The following MACROD2 variants were observed in gnomAD, a reference collection of about 807,000 sequenced individuals.
The protein encoded by MACROD2 is mono-ADP ribosylhydrolase 2, also known as ADP-ribose glycohydrolase MACROD2.
A neutral mutation model predicts 70.4 loss-of-function variants in MACROD2; 36 were observed. The observed-to-expected ratio is 0.51, with a 90% CI of 0.39 to 0.68. The LOEUF (loss-of-function observed/expected upper bound fraction) is 0.68, where lower values mean the gene tolerates loss of function less well. Ranked by LOEUF, MACROD2 falls within the 30% of genes least tolerant of loss-of-function variation. The pLI is 0.00. For synonymous variants in MACROD2, 172 were observed against 178.8 expected (o/e 0.96, Z 0.30); for missense variants, 496 against 538.4 (o/e 0.92, Z 0.78).
chr20:15,938,200 C>A (rs1471497214), intron 12 of MACROD2, among the ~76,000 whole-genome samples: 1 of 151,924 alleles, frequency 6.6e-6, no homozygotes, highest in Non-Finnish European at 1.5e-5. Context: ...AGTGCTTTTT[C>A]TTCTCTCTCT....
chr20:15,141,722 T>C (rs1473519158), intron 5 of MACROD2, among the ~76,000 whole-genome samples: 1 of 152,228 alleles, frequency 6.6e-6, no homozygotes, highest in Non-Finnish European at 1.5e-5. Context: ...TTTGTTTCAA[T>C]GCTGCCAGAA....
intron 7 of MACROD2, among the ~76,000 whole-genome samples, chr20:15,448,347 A>T (rs886123246): frequency 6.6e-6 from 1 of 152,148 alleles, no homozygotes; most frequent in Non-Finnish European, 1.5e-5. Context: ...GTGGTTAACA[A>T]GCAAGGCCCC....
chr20:15,429,394 AC>A (rs1364051243), intron 6 of MACROD2, among the ~76,000 whole-genome samples: 1 of 152,150 alleles, frequency 6.6e-6, no homozygotes, highest in Non-Finnish European at 1.5e-5. Context: ...CTCATTATAA[AC>A]AGTAGAATTC....
intron 4 of MACROD2, among the ~76,000 whole-genome samples, chr20:14,657,910 G>T (rs1489366213): frequency 6.6e-6 from 1 of 151,288 alleles, no homozygotes; most frequent in Non-Finnish European, 1.5e-5. Context: ...CTTCTAAAAT[G>T]ACTGTGTGGC....
At chr20:14,421,227 A>G (rs1263947422) in intron 3 of MACROD2, among the ~76,000 whole-genome samples, 1 of 152,224 alleles carries the variant, frequency 6.6e-6, no homozygotes, top group Non-Finnish European at 1.5e-5. Context: ...GGTCCCATAA[A>G]ACGAGGCAGA....
chr20:14,990,295 C>A (rs1030947636), intron 5 of MACROD2, among the ~76,000 whole-genome samples: 1 of 151,976 alleles, frequency 6.6e-6, no homozygotes, highest in African/African-American at 2.4e-5. Context: ...TTGAATAATG[C>A]TGCAAAAGGT....
intron 8 of MACROD2, among the ~76,000 whole-genome samples, chr20:15,544,049 AG>A (rs1223214893): frequency 6.6e-6 from 1 of 152,202 alleles, no homozygotes; most frequent in African/African-American, 2.4e-5. Context: ...GGGGAAGTAC[AG>A]TAAAGTCCCT....
At chr20:15,445,053 G>T (rs2046544596) in intron 7 of MACROD2, among the ~76,000 whole-genome samples, 3 of 152,054 alleles carry the variant, frequency 2.0e-5, no homozygotes, top group Admixed American at 2.0e-4. Flanking sequence ...TGATTATTTT[G>T]TTCACTGCTA....
intron 5 of MACROD2, among the ~76,000 whole-genome samples, chr20:14,821,183 C>A (rs1020632603): frequency 6.6e-6 from 1 of 151,968 alleles, no homozygotes; most frequent in Non-Finnish European, 1.5e-5. Flanking sequence ...AGCAGTTGAA[C>A]AAATTAAAAT....
chr20:14,026,606 T>A (rs4334554), intron 2 of MACROD2, among the ~76,000 whole-genome samples: 1 of 151,938 alleles, frequency 6.6e-6, no homozygotes, highest in Admixed American at 6.6e-5. Flanking sequence ...CTTATGAAGC[T>A]TAGTTTGGCT....
intron 6 of MACROD2, among the ~76,000 whole-genome samples, chr20:15,238,722 T>C (rs921646221): frequency 2.0e-5 from 3 of 152,202 alleles, no homozygotes; most frequent in Admixed American, 2.0e-4. Context: ...ATTCTGCAGA[T>C]GTAAGTCTAC....
intron 5 of MACROD2, among the ~76,000 whole-genome samples, chr20:14,972,904 G>GC (rs1363847645): frequency 6.6e-6 from 1 of 152,192 alleles, no homozygotes; most frequent in Non-Finnish European, 1.5e-5. Flanking sequence ...AACTTAAACA[G>GC]CCAGAAACTC....
At chr20:15,909,713 C>T (rs1300538795) in intron 10 of MACROD2, among the ~76,000 whole-genome samples, 6 of 151,416 alleles carry the variant, frequency 4.0e-5, no homozygotes, top group Admixed American at 6.6e-5. Flanking sequence ...TTAGTAGAGA[C>T]GGGGTTTCAC....
At chr20:16,037,734 A>G (rs189470808) in intron 15 of MACROD2, among the ~76,000 whole-genome samples, 2 of 151,960 alleles carry the variant, frequency 1.3e-5, no homozygotes, top group Non-Finnish European at 2.9e-5. Flanking sequence ...TGTCTTGTCC[A>G]CTTTCTGTTG....
intron 3 of MACROD2, among the ~76,000 whole-genome samples, chr20:14,108,149 T>C (rs1017481260): frequency 1.3e-5 from 2 of 151,204 alleles, no homozygotes; most frequent in African/African-American, 4.9e-5. Flanking sequence ...TAGTTATTAG[T>C]TTTTTTTTCT....
intron 5 of MACROD2, among the ~76,000 whole-genome samples, chr20:14,939,276 G>A (rs1383319554): frequency 6.6e-6 from 1 of 151,938 alleles, no homozygotes; most frequent in African/African-American, 2.4e-5. Context: ...TATATATGGT[G>A]AGAGATAGGG....
At chr20:15,393,793 A>G (rs1185102113) in intron 6 of MACROD2, among the ~76,000 whole-genome samples, 1 of 152,152 alleles carries the variant, frequency 6.6e-6, no homozygotes, top group Non-Finnish European at 1.5e-5. Flanking sequence ...TCCACCTTCT[A>G]ACAAGGTAAG....
In MACROD2 at chr20:14,615,094, CTAA is replaced by C; in HGVS notation, c.302-69748_302-69746del. On this transcript the variant is annotated intron_variant, in intron 4 of 17. Transcript: ENST00000684519. ...GATGCATTCCAAGTGAAGTTTTCAG[CTAA>C]CCCCACAGGAGCTCTGGGGCTGGGG... is the stretch of plus-strand genomic sequence containing the variant. Among the ~76,000 whole-genome samples the C allele has an allele frequency of 1.3e-5, 2 of 152,102 alleles. 1 individual carries two copies. The highest frequency in any genetic ancestry group is 4.1e-4 in the South Asian group (2 of 4,830).
intron 5 of MACROD2, among the ~76,000 whole-genome samples, chr20:14,865,316 A>C (rs1030443272): frequency 1.3e-5 from 2 of 151,964 alleles, no homozygotes; most frequent in South Asian, 4.2e-4. Context: ...TGCTCTGGTG[A>C]TGCTACCTCT....
Sources: allele counts gnomAD v4.1 joint callset (sites outside exome capture counted in the v4.1 genomes callset), GRCh38; gene constraint gnomAD v4.1.1; transcripts MANE v1.5; gene names NCBI Gene and HGNC (gene_info 2026-07-23, HGNC 2026-07-21).